Variants in ERCC8 observed in about 807,000 individuals in gnomAD.
ERCC8 encodes ERCC excision repair 8, CSA ubiquitin ligase complex subunit, also known as DNA excision repair protein ERCC-8.
Under a neutral mutation model 54.9 loss-of-function variants are expected in ERCC8, and 52 were observed. That is an observed-to-expected ratio of 0.95 (90% CI 0.76 to 1.19). The LOEUF is 1.19. Among genes scored for constraint, ERCC8 ranks in the 50% most tolerant of loss-of-function variants. ERCC8 has a pLI of 0.00. For synonymous variants in ERCC8, 146 were observed against 157.2 expected, an observed-to-expected ratio of 0.93 and a Z score of 0.53; for missense variants, 514 against 466.1, an observed-to-expected ratio of 1.10 and a Z score of -0.95.
chr5:60,893,778 ATAGT>A (rs1195343106), intron 9 of ERCC8: 4 of 295,538 alleles, frequency 1.4e-5, no homozygotes, highest in South Asian at 6.7e-5. Flanking sequence ...CCTTCCCTTT[ATAGT>A]TAAACATTTT....
At chr5:60,904,202 T>C (rs1484455670) in intron 5 of ERCC8, among the ~76,000 whole-genome samples, 3 of 152,106 alleles carry the variant, frequency 2.0e-5, no homozygotes, top group Non-Finnish European at 4.4e-5. Flanking sequence ...TCACAGAAAC[T>C]GGACACAGAC....
intron 1 of ERCC8, among the ~76,000 whole-genome samples, chr5:60,930,039 T>A (rs777957586): frequency 5.9e-5 from 9 of 152,228 alleles, no homozygotes; most frequent in Non-Finnish European, 1.3e-4. Context: ...TTAGTACAAG[T>A]AATTATAAGC....
intron 1 of ERCC8, among the ~76,000 whole-genome samples, chr5:60,939,110 C>T (rs1289173674): frequency 6.6e-6 from 1 of 152,138 alleles, no homozygotes; most frequent in Non-Finnish European, 1.5e-5. Flanking sequence ...ATTATTCCTT[C>T]TTTACTTAAT....
rs754303806 is a variant in ERCC8, at chr5:60,898,404, C to T, written c.719-4G>A. 3.1e-6 allele frequency: 5 copies of T among 1,613,058 alleles called. No homozygotes were observed. Among genetic ancestry groups the T allele is most frequent in the Admixed American group, 1.7e-5 (1 of 59,990 alleles). On this transcript the variant is annotated splice_polypyrimidine_tract_variant and splice_region_variant and intron_variant, in intron 8 of 11. Coordinates refer to ENST00000676185, the MANE Select transcript of ERCC8 (RefSeq NM_000082.4). ...TTCCCATTATGAGCAGTGTTTGCTG[C>T]AATGAAAAACATAGTTCAGTTTATC...
chr5:60,918,955 C>A (rs867044751), intron 3 of ERCC8, among the ~76,000 whole-genome samples: 1 of 152,104 alleles, frequency 6.6e-6, no homozygotes, highest in Middle Eastern at 3.4e-3. Flanking sequence ...ACGTCAGCTA[C>A]AATACACCAC....
chr5:60,879,250 C>A (rs1748122796), intron 11 of ERCC8, among the ~76,000 whole-genome samples: 1 of 152,170 alleles, frequency 6.6e-6, no homozygotes, highest in Non-Finnish European at 1.5e-5. Context: ...GCTATAATTT[C>A]TGTTCTTTTA....
chr5:60,944,607 G>A (rs1020171213), intron 1 of ERCC8, among the ~76,000 whole-genome samples: 1 of 152,120 alleles, frequency 6.6e-6, no homozygotes, highest in Non-Finnish European at 1.5e-5. Flanking sequence ...GTCCGTGGAG[G>A]GCAGTTATTC....
At chr5:60,901,353 A>C (rs1339254384) in intron 7 of ERCC8, among the ~76,000 whole-genome samples, 1 of 151,862 alleles carries the variant, frequency 6.6e-6, no homozygotes, top group Non-Finnish European at 1.5e-5. Context: ...CTTTCATTTA[A>C]TGTTTTAATT....
intron 9 of ERCC8, chr5:60,892,492 C>T (rs531193130): frequency 2.0e-4 from 113 of 578,482 alleles, no homozygotes; most frequent in African/African-American, 1.5e-3. Context: ...CTGATCTTCC[C>T]GCTCACCCAG....
rs57423118 is a variant in ERCC8, at chr5:60,870,482, TAAAAAAAAA to T, written c.*4124_*4132del. Among the ~76,000 whole-genome samples the T allele has an allele frequency of 1.0e-4, 5 of 48,790 alleles. No individual in the cohort carries two copies. Among genetic ancestry groups the T allele is most frequent in the African/African-American group, 4.0e-4 (4 of 10,060 alleles). The allele number at this position is 48,790 out of a possible 152,430, so 32.0% of individuals were successfully genotyped here. The stretch of plus-strand genomic sequence containing the variant: ...CAACATGGTGAAACCCCACCTCTGC[TAAAAAAAAA>T]AAAAAAAAAAAAAAAAAAAAATTAG... On this transcript the variant is annotated 3_prime_UTR_variant, in exon 12 of 12. Coordinates refer to ENST00000676185, the MANE Select transcript of ERCC8 (RefSeq NM_000082.4).
Position 60,879,964 on chromosome 5 carries a change from T to C in ERCC8, c.1123-5281A>G, listed in dbSNP as rs955287437. On this transcript the variant is annotated intron_variant, in intron 11 of 11. Coordinates refer to ENST00000676185, the MANE Select transcript of ERCC8 (RefSeq NM_000082.4). ...TGATGCAGTTTCTTCCTAGCCTTGA[T>C]GGTCTTTACAATTTGGCATGTTTTT... Among the ~76,000 whole-genome samples, 223 of 152,334 alleles carry C rather than the reference T, an allele frequency of 1.5e-3. 2 individuals are homozygous for C. Among genetic ancestry groups the C allele is most frequent in the African/African-American group, 3.0e-3 (124 of 41,566 alleles).
chr5:60,881,276 G>A (rs955547241), intron 11 of ERCC8, among the ~76,000 whole-genome samples: 2 of 152,156 alleles, frequency 1.3e-5, no homozygotes, highest in Non-Finnish European at 2.9e-5. Flanking sequence ...CCCCTACTGG[G>A]GGGTGCCTCA....
chr5:60,879,177 T>G, intron 11 of ERCC8, among the ~76,000 whole-genome samples: 1 of 152,178 alleles, frequency 6.6e-6, no homozygotes, highest in East Asian at 1.9e-4. Flanking sequence ...AGTTGAGCGG[T>G]TTTGAGTGAG....
chr5:60,887,147 G>C (rs1748418384), intron 11 of ERCC8, among the ~76,000 whole-genome samples: 1 of 152,096 alleles, frequency 6.6e-6, no homozygotes, highest in Admixed American at 6.5e-5. Context: ...TTCTTCTTTT[G>C]ATATTTTTCT....
chr5:60,917,024 T>A (rs1477279431), intron 4 of ERCC8, among the ~76,000 whole-genome samples: 1 of 151,992 alleles, frequency 6.6e-6, no homozygotes, highest in East Asian at 1.9e-4. Context: ...TAAAGTAAAA[T>A]AATGGTTAAT....
rs143255688 is a variant in ERCC8 at position 60,944,969 on chromosome 5, C to T, written c.40G>A (p.Asp14Asn). 5.6e-6 allele frequency: 9 copies of T among 1,613,990 alleles called. No homozygotes were observed. The African/African-American group carries it at 1.1e-4, about 19-fold the overall frequency. Residue 14 changes from aspartate to asparagine, a missense_variant, in exon 1 of 12, where the codon GAC (aspartate) becomes AAC (asparagine). Transcript: ENST00000676185. ...TCTGCTCTCCGAAGGCGAAGAGGGT[C>T]CTCCAAACCCGTTTGGCGTGCGGAC... ...FLSARQTGLE[D>N]PLRLRRAEST...
At chr5:60,896,495 C>T (rs935627603) in intron 9 of ERCC8, among the ~76,000 whole-genome samples, 6 of 152,188 alleles carry the variant, frequency 3.9e-5, no homozygotes, top group East Asian at 3.9e-4. Context: ...CAGGTGTGAG[C>T]GACCGTGCCT....
chr5:60,934,962 C>G (rs1263468231), intron 1 of ERCC8, among the ~76,000 whole-genome samples: 2 of 152,178 alleles, frequency 1.3e-5, no homozygotes, highest in Non-Finnish European at 2.9e-5. Flanking sequence ...GTTTTGGTGA[C>G]TATGGCCTTA....
At chr5:60,913,603 T>G (rs1238266671) in intron 4 of ERCC8, among the ~76,000 whole-genome samples, 2 of 152,166 alleles carry the variant, frequency 1.3e-5, no homozygotes, top group Non-Finnish European at 2.9e-5. Context: ...TCAGTTCTAC[T>G]CTGATCTTAG....
Sources: allele counts gnomAD v4.1 joint callset (sites outside exome capture counted in the v4.1 genomes callset), GRCh38; gene constraint gnomAD v4.1.1; transcripts MANE v1.5; gene names NCBI Gene and HGNC (gene_info 2026-07-23, HGNC 2026-07-21).